The following ATP6V0A4 variants were observed in gnomAD, a reference collection of about 807,000 sequenced individuals.
ATP6V0A4 encodes the protein ATPase H+ transporting V0 subunit a4.
In ATP6V0A4, 86 loss-of-function variants were observed where a neutral mutation model predicts 107.3. The observed-to-expected ratio is 0.80, with a 90% confidence interval of 0.67 to 0.96. The LOEUF (loss-of-function observed/expected upper bound fraction) is 0.96, where lower values mean the gene tolerates loss of function less well. Ranked by LOEUF, ATP6V0A4 falls within the 40% of genes least tolerant of loss-of-function variation. The pLI is 0.00. For missense variants in ATP6V0A4, 908 were observed against 1,045.6 expected (o/e 0.87, Z 1.81); for synonymous variants, 353 against 381.4 (o/e 0.93, Z 0.87).
chr7:138,728,862 G>T lies in ATP6V0A4; in HGVS notation c.1909C>A (p.Gln637Lys). 1 of 1,614,102 alleles carries T rather than the reference G, an allele frequency of 6.2e-7. No individual in the cohort carries two copies. Among genetic ancestry groups the T allele is most frequent in the Non-Finnish European group, 8.5e-7 (1 of 1,180,030 alleles). ...SSNAPLYKHQ[Q>K]EVQSFFVVMA... ...ACCACAAAGAAACTTTGGACTTCTT[G>T]CTGCAAGACCAAAATGGCGAGATCT... is the stretch of plus-strand genomic sequence containing the variant. The change falls in exon 18 of 22, where the codon CAA (glutamine) becomes AAA (lysine). Residue 637 changes from glutamine to lysine, a missense_variant and splice_region_variant. Gln to Lys is a moderately conservative substitution (Grantham distance 53). Coordinates refer to ENST00000310018, the MANE Select transcript of ATP6V0A4 (RefSeq NM_020632.3).
At chr7:138,730,359 TG>T in intron 17 of ATP6V0A4, among the ~76,000 whole-genome samples, 2 of 143,288 alleles carry the variant, frequency 1.4e-5, no homozygotes, top group African/African-American at 5.9e-5. Flanking sequence ...TGTGTGTGTG[TG>T]TGTGTGTGTG....
rs759580656 is a variant in ATP6V0A4, at chr7:138,768,776, T to G, written c.291+4A>C. On this transcript the variant is annotated splice_donor_region_variant and intron_variant, in intron 5 of 21. Transcript: ENST00000310018. Reference sequence around the variant, plus strand: ...TGGGGAGGCCAGCAAAGTGGAGAACTTACCTCCAGGGTAATCATTTCCCGT... The same window carrying G: ...TGGGGAGGCCAGCAAAGTGGAGAACGTACCTCCAGGGTAATCATTTCCCGT... 1 of 1,614,156 alleles carries G rather than the reference T, an allele frequency of 6.2e-7. No homozygotes were observed. Among genetic ancestry groups the G allele is most frequent in the South Asian group, 1.1e-5 (1 of 91,074 alleles).
chr7:138,769,220 T>C lies in ATP6V0A4; in HGVS notation c.149A>G (p.Lys50Arg), dbSNP rs749309505. The change falls in exon 4 of 22, where the codon AAA (lysine) becomes AGA (arginine). Residue 50 changes from lysine to arginine, a missense_variant. Lys to Arg is a conservative substitution (Grantham distance 26). Transcript: ENST00000310018. ...ACACCTTCTGACTTCATTCACAAAT[T>C]TCCTTTGAAAGCTGTTCACATTCAT... ...LNMNVNSFQR[K>R]FVNEVRRCES... 1.2e-6 allele frequency: 2 copies of C among 1,612,922 alleles called. No individual in the cohort carries two copies. The highest frequency in any genetic ancestry group is 2.2e-5 in the South Asian group (2 of 91,058).
intron 2 of ATP6V0A4, among the ~76,000 whole-genome samples, chr7:138,781,109 G>A (rs1807899769): frequency 6.6e-6 from 1 of 152,302 alleles, no homozygotes; most frequent in African/African-American, 2.4e-5. Flanking sequence ...ATAGACAGGA[G>A]AGATGATTAA....
intron 2 of ATP6V0A4, among the ~76,000 whole-genome samples, chr7:138,784,307 CAT>C (rs1243135259): frequency 5.6e-5 from 7 of 123,920 alleles, no homozygotes; most frequent in Admixed American, 8.3e-5. Context: ...CACACACACA[CAT>C]ATATATATAT....
chr7:138,767,522 CA>C (rs111331477), intron 5 of ATP6V0A4, among the ~76,000 whole-genome samples: 2,680 of 151,146 alleles, frequency 0.018, 78 homozygotes, highest in African/African-American at 0.06. Flanking sequence ...GACTCCATCT[CA>C]AAAAAATATG....
chr7:138,793,940 C>T (rs922462117), intron 1 of ATP6V0A4, among the ~76,000 whole-genome samples: 9 of 152,122 alleles, frequency 5.9e-5, no homozygotes, highest in South Asian at 2.1e-4. Context: ...ATGGTGGACT[C>T]CAGGACTTCC....
intron 15 of ATP6V0A4, among the ~76,000 whole-genome samples, chr7:138,735,841 G>A (rs1159872289): frequency 3.7e-5 from 1 of 27,246 alleles, no homozygotes; most frequent in Non-Finnish European, 6.5e-5. Flanking sequence ...AGTGGCTCAC[G>A]CTTGTAATCC....
In ATP6V0A4 at chr7:138,752,365, A is replaced by AT. The variant is rs11399212; in HGVS notation, c.1029+259dup. Among the ~76,000 whole-genome samples, 222 of 146,752 alleles carry AT rather than the reference A, an allele frequency of 1.5e-3. 2 individuals are homozygous for AT. The highest frequency in any genetic ancestry group is 0.012 in the South Asian group (53 of 4,558). ...AGCCTGGGCTACAGAGCGAGATTCT[A>AT]TTTTTTTTTTTTTTTTAAAAAAACC... On this transcript the variant is annotated intron_variant, in intron 11 of 21. Transcript: ENST00000310018.
At chr7:138,732,570 G>T (rs1000675093) in intron 17 of ATP6V0A4, among the ~76,000 whole-genome samples, 1 of 152,112 alleles carries the variant, frequency 6.6e-6, no homozygotes, top group Non-Finnish European at 1.5e-5. Context: ...AAAGCAGGTA[G>T]ATTGCTTGAG....
intron 1 of ATP6V0A4, among the ~76,000 whole-genome samples, chr7:138,792,358 T>C (rs1481404468): frequency 6.6e-6 from 1 of 152,188 alleles, no homozygotes; most frequent in African/African-American, 2.4e-5. Flanking sequence ...CAATTAATAT[T>C]AGACTTTGAT....
chr7:138,772,307 A>G (rs1201493303), intron 2 of ATP6V0A4, among the ~76,000 whole-genome samples: 2 of 152,210 alleles, frequency 1.3e-5, no homozygotes, highest in Non-Finnish European at 2.9e-5. Context: ...ATAATATTGT[A>G]TGTAATAATT....
intron 1 of ATP6V0A4, among the ~76,000 whole-genome samples, chr7:138,790,613 G>A (rs1403683172): frequency 6.6e-6 from 1 of 152,072 alleles, no homozygotes; most frequent in East Asian, 1.9e-4. Context: ...GGTTTTAATA[G>A]CTACCCTTTA....
chr7:138,722,061 C>T (rs1332145493), intron 18 of ATP6V0A4, 36 bp from the exon 19 acceptor site: 2 of 1,613,726 alleles, frequency 1.2e-6, no homozygotes, highest in Non-Finnish European at 1.7e-6. Context: ...ATGCGCTCAA[C>T]TCACCCTGAG....
chr7:138,708,807 C>T (rs749617600), intron 21 of ATP6V0A4, among the ~76,000 whole-genome samples: 3 of 152,232 alleles, frequency 2.0e-5, no homozygotes, highest in Admixed American at 6.5e-5. Context: ...GGCGCAGTGG[C>T]TCATGCCTGT....
At chr7:138,785,699 A>G (rs1312170157) in intron 2 of ATP6V0A4, among the ~76,000 whole-genome samples, 1 of 152,156 alleles carries the variant, frequency 6.6e-6, no homozygotes, top group Non-Finnish European at 1.5e-5. Context: ...TTGCTAAAAA[A>G]AAGAGAGAAT....
chr7:138,749,262 G>T lies in ATP6V0A4; in HGVS notation c.1085C>A (p.Ala362Asp). The T allele has an allele frequency of 6.2e-7, 1 of 1,613,970 alleles. No individual in the cohort carries two copies. The highest frequency in any genetic ancestry group is 8.5e-7 in the Non-Finnish European group (1 of 1,179,978). ...PIMTTVQSKT[A>D]PPTFNRTNKF... Reference sequence around the variant, plus strand: ...ATTGGTCCTGTTAAATGTGGGAGGGGCTGTTTTAGATTGCACTGTGGTCAT... The same window carrying T: ...ATTGGTCCTGTTAAATGTGGGAGGGTCTGTTTTAGATTGCACTGTGGTCAT... The change falls in exon 12 of 22, where the codon GCC becomes GAC. Residue 362 changes from alanine to aspartate, a missense_variant. Transcript: ENST00000310018.
chr7:138,733,894 C>A (rs534294320), intron 16 of ATP6V0A4, among the ~76,000 whole-genome samples: 15 of 151,918 alleles, frequency 9.9e-5, no homozygotes, highest in African/African-American at 3.4e-4. Context: ...TTTTTTGAAC[C>A]CTCAAATATT....
rs1026435 is a variant in ATP6V0A4 at position 138,734,165 on chromosome 7, G to A, written c.1662C>T (p.Phe554=). Residue 554 remains phenylalanine (F), a synonymous_variant, in exon 16 of 22, where the codon TTC becomes TTT. Coordinates refer to ENST00000310018, the MANE Select transcript of ATP6V0A4 (RefSeq NM_020632.3). Reference sequence around the variant, plus strand: ...GATTGAAAAGGCTGAGGATGACACCGAAAACCATCTGGACAATTCCCAGGA... The same window carrying A: ...GATTGAAAAGGCTGAGGATGACACCAAAAACCATCTGGACAATTCCCAGGA... ...SVILGIVQMV[F]GVILSLFNHI... The A allele has an allele frequency of 0.72, 1,154,589 of 1,612,318 alleles. 414,815 individuals carry two copies. The highest frequency in any genetic ancestry group is 0.8 in the Admixed American group (48,167 of 59,970).
Sources: gnomAD v4.1 joint callset for allele counts (sites outside exome capture counted in the v4.1 genomes callset) on GRCh38, gnomAD v4.1.1 for gene constraint, MANE v1.5 for transcripts, NCBI Gene and HGNC (gene_info 2026-07-23, HGNC 2026-07-21) for gene names.